DMGDH: variants seen among roughly 807,000 people sequenced by gnomAD.
DMGDH encodes dimethylglycine dehydrogenase, mitochondrial.
In DMGDH, 76 loss-of-function variants were observed where a neutral mutation model predicts 95.2. That is an observed-to-expected ratio of 0.80 (90% confidence interval 0.66 to 0.97). DMGDH has a LOEUF of 0.97. Ranked by LOEUF, DMGDH falls within the 50% of genes least tolerant of loss-of-function variation. DMGDH has a pLI of 0.00. For synonymous variants in DMGDH, 345 were observed against 377.6 expected, an observed-to-expected ratio of 0.91 and a Z score of 1.00; for missense variants, 987 against 1,055.0, an observed-to-expected ratio of 0.94 and a Z score of 0.89.
intron 14 of DMGDH, among the ~76,000 whole-genome samples, chr5:79,016,108 CAT>C (rs1753728962): frequency 6.6e-6 from 1 of 151,862 alleles, no homozygotes; most frequent in Non-Finnish European, 1.5e-5. Flanking sequence ...TGTGGTGGTG[CAT>C]GTCTGTAGTC....
chr5:79,042,128 C>T (rs1326580052), intron 7 of DMGDH, among the ~76,000 whole-genome samples, 155 bp downstream of exon 7: 2 of 152,186 alleles, frequency 1.3e-5, no homozygotes, highest in Non-Finnish European at 2.9e-5. Context: ...AATCCTTGGT[C>T]ATGAAAGGGA....
intron 7 of DMGDH, among the ~76,000 whole-genome samples, chr5:79,038,721 G>A (rs375739036): frequency 6.6e-6 from 1 of 152,138 alleles, no homozygotes; most frequent in African/African-American, 2.4e-5. Flanking sequence ...GTGGAGAGGA[G>A]AGCAGTCCTA....
chr5:79,014,911 C>T (rs191450786), intron 14 of DMGDH, among the ~76,000 whole-genome samples: 1 of 152,276 alleles, frequency 6.6e-6, no homozygotes, highest in Non-Finnish European at 1.5e-5. Flanking sequence ...TGGCCTCTGT[C>T]CTCAAAGTTG....
Position 79,031,089 on chromosome 5 carries a change from G to C in DMGDH, c.1518-91C>G, listed in dbSNP as rs186383707. The stretch of plus-strand genomic sequence containing the variant: ...TATTTTAATAAGCCCTACTCATCTA[G>C]AAAATCCTACGGGCAGCGGGGAGTG... On this transcript the variant is annotated intron_variant, in intron 9 of 15. Transcript: ENST00000255189. The C allele has an allele frequency of 3.1e-4, 450 of 1,445,232 alleles. 5 individuals are homozygous for C. The East Asian group carries it at 8.2e-3, about 26-fold the overall frequency. 89.5% of individuals were successfully genotyped at this position (1,445,232 alleles called of 1,614,324 possible).
intron 2 of DMGDH, among the ~76,000 whole-genome samples, chr5:79,060,885 T>C (rs1256272478): frequency 1.4e-5 from 2 of 145,920 alleles, no homozygotes; most frequent in Non-Finnish European, 1.5e-5. Context: ...GCCACTGTAC[T>C]CCAGCCTGGC....
At chr5:79,063,564 T>C in intron 2 of DMGDH, 49 bp downstream of exon 2, 2 of 1,611,208 alleles carry the variant, frequency 1.2e-6, no homozygotes, top group Non-Finnish European at 1.7e-6. Flanking sequence ...AAATGGACTT[T>C]ACTCATGCAC....
At chr5:79,030,553 G>T in intron 10 of DMGDH, 2 of 337,678 alleles carry the variant, frequency 5.9e-6, no homozygotes, top group South Asian at 6.4e-5. Context: ...AACTGAGGCA[G>T]GAGAATTGCT....
chr5:79,048,751 A>T (rs115575916), intron 5 of DMGDH, among the ~76,000 whole-genome samples: 4,518 of 147,340 alleles, frequency 0.031, 208 homozygotes, highest in Admixed American at 0.13. Flanking sequence ...AGACTTACAG[A>T]TAATTAAAAA....
intron 1 of DMGDH, among the ~76,000 whole-genome samples, chr5:79,068,489 A>G (rs1476414254): frequency 6.6e-6 from 1 of 152,214 alleles, no homozygotes; most frequent in Non-Finnish European, 1.5e-5. Context: ...TCTGTGTAAC[A>G]GATGGCGCAG....
At chr5:79,068,786 G>A (rs1265088121) in intron 1 of DMGDH, among the ~76,000 whole-genome samples, 2 of 152,136 alleles carry the variant, frequency 1.3e-5, no homozygotes, top group Non-Finnish European at 2.9e-5. Flanking sequence ...TCAAAACAAG[G>A]ACATGCCATT....
intron 5 of DMGDH, among the ~76,000 whole-genome samples, chr5:79,045,774 G>A (rs567760214): frequency 1.3e-5 from 2 of 152,212 alleles, no homozygotes; most frequent in East Asian, 3.9e-4. Context: ...AACCAGTACT[G>A]TCTCTGCTGT....
At chr5:79,048,316 C>G (rs923361186) in intron 5 of DMGDH, among the ~76,000 whole-genome samples, 1 of 152,158 alleles carries the variant, frequency 6.6e-6, no homozygotes, top group African/African-American at 2.4e-5. Context: ...CTCTGGGCCA[C>G]AGAGTGCCAC....
intron 14 of DMGDH, among the ~76,000 whole-genome samples, chr5:79,014,418 GT>G (rs2112606173): frequency 6.6e-6 from 1 of 152,268 alleles, no homozygotes; most frequent in East Asian, 1.9e-4. Context: ...ATAATATAGA[GT>G]TTTCATAATA....
At chr5:79,031,847 T>C (rs1754185994) in intron 9 of DMGDH, among the ~76,000 whole-genome samples, 1 of 152,202 alleles carries the variant, frequency 6.6e-6, no homozygotes, top group African/African-American at 2.4e-5. Flanking sequence ...AAAAGTGATG[T>C]GTTAGAGTAA....
intron 13 of DMGDH, among the ~76,000 whole-genome samples, chr5:79,024,533 T>C (rs367744170): frequency 7.9e-5 from 12 of 152,236 alleles, no homozygotes; most frequent in East Asian, 3.8e-4. Context: ...GTCATTTGAA[T>C]ATAACAAATA....
chr5:79,042,811 G>A (rs772262936), intron 6 of DMGDH, among the ~76,000 whole-genome samples: 1 of 152,054 alleles, frequency 6.6e-6, no homozygotes, highest in Non-Finnish European at 1.5e-5. Flanking sequence ...CAAGAAGATC[G>A]TTATGCTTCA....
At chr5:79,011,953 A>C (rs1343089237) in intron 14 of DMGDH, among the ~76,000 whole-genome samples, 4 of 152,134 alleles carry the variant, frequency 2.6e-5, no homozygotes, top group Admixed American at 2.6e-4. Flanking sequence ...CCATATGATT[A>C]CACCTCTGAC....
At chr5:79,035,044 G>C (rs1445621873) in intron 7 of DMGDH, among the ~76,000 whole-genome samples, 3 of 107,634 alleles carry the variant, frequency 2.8e-5, no homozygotes, top group Non-Finnish European at 5.3e-5. Context: ...GAGACACAGC[G>C]AGACTCCATC....
chr5:79,006,260 G>A (rs1008277587), intron 14 of DMGDH, among the ~76,000 whole-genome samples: 9 of 150,600 alleles, frequency 6.0e-5, no homozygotes, highest in African/African-American at 1.9e-4. Flanking sequence ...GGAAGACTTC[G>A]CACTTACTGG....
Sources: gnomAD v4.1 joint callset for allele counts (sites outside exome capture counted in the v4.1 genomes callset) on GRCh38, gnomAD v4.1.1 for gene constraint, MANE v1.5 for transcripts, NCBI Gene and HGNC (gene_info 2026-07-23, HGNC 2026-07-21) for gene names.